The following PYGO1 variants were observed in gnomAD, a reference collection of about 807,000 sequenced individuals.
PYGO1 encodes pygopus homolog 1.
PYGO1 carries 6 observed loss-of-function variants against 29.5 expected under a neutral mutation model. The observed-to-expected ratio is 0.20, with a 90% CI of 0.11 to 0.40. PYGO1 has a LOEUF of 0.40. Among genes scored for constraint, PYGO1 ranks in the 10% least tolerant of loss-of-function variants. The pLI is 1.00. For missense variants in PYGO1, 515 were observed against 514.9 expected (o/e 1.00, Z 0.00); for synonymous variants, 186 against 180.5 (o/e 1.03, Z -0.24).
chr15:55,556,319 T>A (rs75064503), intron 1 of PYGO1, among the ~76,000 whole-genome samples: 2 of 152,128 alleles, frequency 1.3e-5, no homozygotes, highest in Admixed American at 6.5e-5. Context: ...CACAGCGCAA[T>A]CAAATGAGAA....
chr15:55,548,707 TAAAAAAAAAAAAAAAAAAAAAAAAAAAA>T (rs60796044), intron 2 of PYGO1, among the ~76,000 whole-genome samples, 175 bp downstream of exon 2: 2 of 55,432 alleles, frequency 3.6e-5, no homozygotes, highest in African/African-American at 8.3e-5. Flanking sequence ...AGAATCCACC[TAAAAAAAAAAAAAAAAAAAAAAAAAAAA>T]AAAAAAAAAA....
At chr15:55,568,362 G>GTGTT (rs1433194193) in intron 1 of PYGO1, among the ~76,000 whole-genome samples, 1 of 149,836 alleles carries the variant, frequency 6.7e-6, no homozygotes, top group Non-Finnish European at 1.5e-5. Context: ...GTGTGTGTGT[G>GTGTT]TCTGTAAATG....
At chr15:55,569,064 T>C (rs897518772) in intron 1 of PYGO1, among the ~76,000 whole-genome samples, 4 of 152,080 alleles carry the variant, frequency 2.6e-5, no homozygotes, top group South Asian at 2.1e-4. Flanking sequence ...TTTTTTTTCA[T>C]TGTGTCCTTG....
At chr15:55,575,999 T>C (rs898597499) in intron 1 of PYGO1, among the ~76,000 whole-genome samples, 7 of 152,158 alleles carry the variant, frequency 4.6e-5, no homozygotes, top group African/African-American at 1.4e-4. Context: ...GCATCTTATT[T>C]TTGCTACTTA....
Position 55,546,677 on chromosome 15 carries a change from A to G in PYGO1, c.606T>C (p.Ser202=). 1 of 1,614,110 alleles carries G rather than the reference A, an allele frequency of 6.2e-7. No individual in the cohort carries two copies. The highest frequency in any genetic ancestry group is 8.5e-7 in the Non-Finnish European group (1 of 1,179,982). Residue 202 remains serine, a synonymous_variant, in exon 3 of 3, where the codon TCT becomes TCC. Transcript: ENST00000563719. ...ASQVSNPDLA[S]NFVPGNNSNF... is the part of the protein sequence containing the mutation. ...TTGAATTATTTCCAGGAACAAAATTAGATGCCAAATCGGGGTTAGAAACTT... is the reference window on the plus strand; with the variant it reads ...TTGAATTATTTCCAGGAACAAAATTGGATGCCAAATCGGGGTTAGAAACTT...
At chr15:55,552,704 G>T (rs1346962790) in intron 1 of PYGO1, among the ~76,000 whole-genome samples, 1 of 152,066 alleles carries the variant, frequency 6.6e-6, no homozygotes. Flanking sequence ...CAGGGCCTTG[G>T]GTCCGATATA....
In PYGO1 at chr15:55,546,077, C is replaced by A. The variant is rs1390327873; in HGVS notation, c.1206G>T (p.Gln402His). The part of the protein sequence containing the change: ...CDTCMADKDV[Q>H]LMRTRETFGP... ...CAAAAGTTTCTCTAGTACGCATTAA[C>A]TGGACATCTTTGTCAGCCATACAGG... Residue 402 changes from glutamine (Q) to histidine (H), a missense_variant, in exon 3 of 3, where the codon CAG (glutamine) becomes CAT (histidine). Physicochemically the swap from Gln to His is conservative, Grantham distance 24 (BLOSUM62 0). Transcript: ENST00000563719. 1.2e-6 allele frequency: 2 copies of A among 1,614,048 alleles called. No individual in the cohort carries two copies. The highest frequency in any genetic ancestry group is 1.3e-5 in the African/African-American group (1 of 74,946).
chr15:55,585,960 T>C (rs1567061778), intron 1 of PYGO1, among the ~76,000 whole-genome samples: 1 of 152,142 alleles, frequency 6.6e-6, no homozygotes, highest in Admixed American at 6.5e-5. Context: ...AAATTAAAGG[T>C]TGTGCTGATA....
intron 1 of PYGO1, among the ~76,000 whole-genome samples, chr15:55,583,409 C>T (rs2059033481): frequency 6.7e-6 from 1 of 150,216 alleles, no homozygotes. Context: ...TTTCTCTTGA[C>T]TATCTTTTTA....
At chr15:55,553,021 C>A (rs2058886680) in intron 1 of PYGO1, among the ~76,000 whole-genome samples, 1 of 152,172 alleles carries the variant, frequency 6.6e-6, no homozygotes, top group South Asian at 2.1e-4. Context: ...GGGTGGCCGC[C>A]ATCTCTGCAG....
intron 1 of PYGO1, among the ~76,000 whole-genome samples, chr15:55,575,382 T>G: frequency 6.6e-6 from 1 of 152,310 alleles, no homozygotes; most frequent in East Asian, 1.9e-4. Flanking sequence ...CTACACTACT[T>G]TGCTTTTTAA....
Position 55,542,982 on chromosome 15 carries a change from G to A in PYGO1, c.*3041C>T, listed in dbSNP as rs956899662. 8 of 152,018 alleles carry A rather than the reference G, an allele frequency of 5.3e-5. No homozygotes were observed. The highest frequency in any genetic ancestry group is 1.9e-4 in the African/African-American group (8 of 41,330). The allele number at this position is 152,018 out of a possible 1,614,324, so 9.4% of individuals were successfully genotyped here. A position where few individuals can be genotyped will look rare whatever the true frequency, so the allele number is the denominator to read the frequency against. ...AAAACAAAAAAAAACCCACCTTTCT[G>A]TCAATAACCTAGCTTTGGTGAGTAA... On this transcript the variant is annotated 3_prime_UTR_variant, in exon 3 of 3. Coordinates refer to ENST00000563719, the MANE Select transcript of PYGO1 (RefSeq NM_001367806.1).
intron 1 of PYGO1, among the ~76,000 whole-genome samples, chr15:55,559,476 C>T (rs565093421): frequency 6.6e-6 from 1 of 152,306 alleles, no homozygotes; most frequent in South Asian, 2.1e-4. Flanking sequence ...CATCCCATTA[C>T]TGGGTATATA....
At chr15:55,564,320 G>T (rs1412903237) in intron 1 of PYGO1, among the ~76,000 whole-genome samples, 1 of 152,142 alleles carries the variant, frequency 6.6e-6, no homozygotes, top group Non-Finnish European at 1.5e-5. Context: ...GACACAAAAA[G>T]CCACATGTTG....
At chr15:55,582,521 G>A (rs1414781663) in intron 1 of PYGO1, among the ~76,000 whole-genome samples, 2 of 151,962 alleles carry the variant, frequency 1.3e-5, no homozygotes, top group African/African-American at 2.4e-5. Context: ...TCTCCCAAAT[G>A]TTAGTGTTTC....
rs769032598 is a variant in PYGO1 at position 55,540,454 on chromosome 15, G to A, written c.*5569C>T. The A allele has an allele frequency of 3.9e-5, 6 of 152,008 alleles. No homozygotes were observed. The highest frequency in any genetic ancestry group is 6.6e-5 in the Admixed American group (1 of 15,264). The allele number at this position is 152,008 out of a possible 1,614,324, so 9.4% of individuals were successfully genotyped here. A position where few individuals can be genotyped will look rare whatever the true frequency, so the allele number is the denominator to read the frequency against. ...CCATTTAAGGTAATTATTTAGTAAA[G>A]TATACCTGTAAGTGGAAAATAAAAA... is the stretch of plus-strand genomic sequence containing the variant. On this transcript the variant is annotated 3_prime_UTR_variant, in exon 3 of 3. Transcript: ENST00000563719.
chr15:55,562,991 C>T (rs770239687), intron 1 of PYGO1, among the ~76,000 whole-genome samples: 4 of 151,684 alleles, frequency 2.6e-5, no homozygotes, highest in Non-Finnish European at 4.4e-5. Flanking sequence ...TGGGGCCTGT[C>T]GGGGGGAGCG....
chr15:55,587,916 C>G lies in PYGO1; in HGVS notation c.-33G>C. On this transcript the variant is annotated 5_prime_UTR_variant, in exon 1 of 3. Transcript: ENST00000563719. ...CGCAAAGCATGACTCCCCCCCAGGCCGCGGGAATTCGGTCTCTTTGATGCT... is the reference window on the plus strand; with the variant it reads ...CGCAAAGCATGACTCCCCCCCAGGCGGCGGGAATTCGGTCTCTTTGATGCT... The G allele has an allele frequency of 6.8e-7, 1 of 1,464,372 alleles. No individual in the cohort carries two copies. Among genetic ancestry groups the G allele is most frequent in the Non-Finnish European group, 9.0e-7 (1 of 1,106,410 alleles). 90.7% of individuals were successfully genotyped at this position (1,464,372 alleles called of 1,614,324 possible).
chr15:55,575,943 G>A (rs1042197357), intron 1 of PYGO1, among the ~76,000 whole-genome samples: 5 of 152,288 alleles, frequency 3.3e-5, no homozygotes, highest in South Asian at 2.1e-4. Context: ...CACAGCCTTA[G>A]GAATGGCAGC....
Sources: allele counts gnomAD v4.1 joint callset (sites outside exome capture counted in the v4.1 genomes callset), GRCh38; gene constraint gnomAD v4.1.1; transcripts MANE v1.5; gene names NCBI Gene and HGNC (gene_info 2026-07-23, HGNC 2026-07-21).